Variants in ADCY10 observed in about 807,000 individuals in gnomAD.
ADCY10 encodes adenylate cyclase 10.
Under a neutral mutation model 183.3 loss-of-function variants are expected in ADCY10, and 156 were observed. The observed-to-expected ratio is 0.85, with a 90% CI of 0.75 to 0.97. The LOEUF (loss-of-function observed/expected upper bound fraction) is 0.97. ADCY10 is among the 50% of genes least tolerant of loss of function. The pLI is 0.00. For synonymous variants in ADCY10, 645 were observed against 670.0 expected, an observed-to-expected ratio of 0.96 and a Z score of 0.58; for missense variants, 1,745 against 1,934.3, an observed-to-expected ratio of 0.90 and a Z score of 1.84.
intron 30 of ADCY10, 68 bp from the exon 31 acceptor site, chr1:167,818,335 G>A (rs1558144329): frequency 7.1e-7 from 1 of 1,411,732 alleles, no homozygotes; most frequent in Non-Finnish European, 1.0e-6. Context: ...TTTCTGAAAT[G>A]TCTCTCTGGA....
intron 14 of ADCY10, among the ~76,000 whole-genome samples, chr1:167,862,613 T>C (rs967071761): frequency 6.6e-6 from 1 of 152,224 alleles, no homozygotes. Context: ...AGGCCCCGGC[T>C]AGTGAATACA....
intron 3 of ADCY10, among the ~76,000 whole-genome samples, chr1:167,902,417 A>G (rs74120531): frequency 0.03 from 4,546 of 152,334 alleles, 233 homozygotes; most frequent in African/African-American, 0.1. Context: ...TTGTGTAAGC[A>G]TGGGTGGGTG....
intron 30 of ADCY10, chr1:167,821,009 T>A (rs1442114543): frequency 6.6e-6 from 1 of 152,224 alleles, no homozygotes; most frequent in Non-Finnish European, 1.5e-5. Flanking sequence ...TATAGGAATG[T>A]CTTCATATTG....
intron 3 of ADCY10, among the ~76,000 whole-genome samples, chr1:167,903,393 A>G (rs1175594322): frequency 6.6e-6 from 1 of 152,034 alleles, no homozygotes; most frequent in Non-Finnish European, 1.5e-5. Context: ...GTGAGACCCC[A>G]TCTCTACTAA....
At position 167,901,734 on chromosome 1, in the gene ADCY10, A is replaced by T; in HGVS notation, c.364T>A (p.Cys122Ser). The change falls in exon 5 of 33, where the codon TGT becomes AGT. Residue 122 changes from cysteine to serine, a missense_variant. Coordinates refer to ENST00000367851, the MANE Select transcript of ADCY10 (RefSeq NM_018417.6). ...AACAATCCATGGATCTCCAGGCTAC[A>T]TTTAATTACCACTGTGATAATGTTT... ...LKNIITVVIK[C>S]SLEIHGLFET... 6.2e-7 allele frequency: 1 copy of T among 1,614,180 alleles called. No homozygotes were observed. Among genetic ancestry groups the T allele is most frequent in the East Asian group, 2.2e-5 (1 of 44,886 alleles).
chr1:167,870,547 C>T (rs1374946545), intron 13 of ADCY10, 137 bp from the exon 14 acceptor site: 2 of 722,126 alleles, frequency 2.8e-6, no homozygotes, highest in East Asian at 6.2e-5. Flanking sequence ...AATCCCAGCA[C>T]TTTGGGAGGC....
chr1:167,819,130 T>C (rs1009501841), intron 30 of ADCY10, among the ~76,000 whole-genome samples: 1 of 152,142 alleles, frequency 6.6e-6, no homozygotes, highest in Non-Finnish European at 1.5e-5. Flanking sequence ...AAATAAGACA[T>C]TTATTCCAAC....
At chr1:167,820,393 ACC>A (rs1246522508) in intron 30 of ADCY10, 2 of 548,766 alleles carry the variant, frequency 3.6e-6, no homozygotes, top group Non-Finnish European at 6.2e-6. Flanking sequence ...CTGGCTCAGC[ACC>A]CCGAGAGCTG....
In ADCY10 at chr1:167,829,297, A is replaced by G. The variant is rs61738760; in HGVS notation, c.3720T>C (p.Asn1240=). The change falls in exon 26 of 33, where the codon AAT becomes AAC. Residue 1240 remains asparagine (N), a synonymous_variant. Transcript: ENST00000367851. ...YAHLAVMMQM[N]TALETQNCFQ... ...AACAATTTTGAGTTTCCAGTGCAGT[A>G]TTCATTTGCATCATAACTGCCAGGT... is the stretch of plus-strand genomic sequence containing the variant. The G allele has an allele frequency of 1.3e-3, 2,082 of 1,614,116 alleles. 24 individuals carry two copies. The African/African-American group carries it at 0.024, about 18-fold the overall frequency.
intron 16 of ADCY10, among the ~76,000 whole-genome samples, chr1:167,858,924 G>A (rs1156723743): frequency 6.6e-6 from 1 of 152,128 alleles, no homozygotes; most frequent in Non-Finnish European, 1.5e-5. Context: ...CCTGAACTAT[G>A]GCAATAGGAA....
At chr1:167,866,307 A>G (rs929284984) in intron 14 of ADCY10, among the ~76,000 whole-genome samples, 3 of 152,204 alleles carry the variant, frequency 2.0e-5, no homozygotes, top group Non-Finnish European at 2.9e-5. Flanking sequence ...TTTAGACGCA[A>G]TTGGAGTCCC....
intron 8 of ADCY10, among the ~76,000 whole-genome samples, chr1:167,891,769 A>G (rs529360777): frequency 2.4e-4 from 37 of 152,112 alleles, no homozygotes; most frequent in Non-Finnish European, 5.3e-4. Flanking sequence ...AAATCACTGC[A>G]CTTTCTCCCC....
In ADCY10 at chr1:167,904,108, G is replaced by A. The variant is rs1004185812; in HGVS notation, c.149-117C>T. 3.3e-5 allele frequency: 19 copies of A among 568,178 alleles called. No individual in the cohort carries two copies. The African/African-American group carries it at 4.0e-4, about 12-fold the overall frequency. 35.2% of individuals were successfully genotyped at this position (568,178 alleles called of 1,614,324 possible). A position where few individuals can be genotyped will look rare whatever the true frequency, so the allele number is the denominator to read the frequency against. On this transcript the variant is annotated intron_variant, in intron 2 of 32. Coordinates refer to ENST00000367851, the MANE Select transcript of ADCY10 (RefSeq NM_018417.6). Reference sequence around the variant, plus strand: ...TTTTTTTTTTTTTTTTTTTTTTTGAGACAGAGTCTTGCTTTGTAGCCCAGG... The same window carrying A: ...TTTTTTTTTTTTTTTTTTTTTTTGAAACAGAGTCTTGCTTTGTAGCCCAGG...
intron 19 of ADCY10, among the ~76,000 whole-genome samples, chr1:167,846,956 C>T (rs1163246945): frequency 6.6e-6 from 1 of 151,350 alleles, no homozygotes; most frequent in Non-Finnish European, 1.5e-5. Flanking sequence ...GATGGAGTCT[C>T]ACTCTTGTTG....
intron 22 of ADCY10, among the ~76,000 whole-genome samples, chr1:167,836,881 C>T (rs558714803): frequency 6.6e-6 from 1 of 152,152 alleles, no homozygotes; most frequent in South Asian, 2.1e-4. Context: ...AAAAATTAGC[C>T]GGGTGTGGTG....
rs1667352591 is a variant in ADCY10, at chr1:167,875,018, T to C, written c.1462+113A>G. The C allele has an allele frequency of 3.8e-5, 35 of 921,786 alleles. No homozygotes were observed. In the South Asian group the frequency reaches 4.6e-4, roughly 12 times the overall value. The allele number at this position is 921,786 out of a possible 1,614,324, so 57.1% of individuals were successfully genotyped here. The stretch of plus-strand genomic sequence containing the variant: ...TCTATTTCTTAACCTGGATGATGAT[T>C]ATATTTTCATTTTGTGATAATTCAT... On this transcript the variant is annotated intron_variant, in intron 13 of 32. Coordinates refer to ENST00000367851, the MANE Select transcript of ADCY10 (RefSeq NM_018417.6).
chr1:167,868,683 A>G (rs1254547490), intron 14 of ADCY10, among the ~76,000 whole-genome samples: 4 of 152,208 alleles, frequency 2.6e-5, no homozygotes. Context: ...CTGCCCATAC[A>G]AATAGGCGAA....
Position 167,870,281 on chromosome 1 carries a change from T to C in ADCY10, c.1592A>G (p.Tyr531Cys). ...GKSQILMKIE[Y>C]LAQGKNHRII... ...CCTGTGATTCTTACCTTGGGCCAGGTACTCAATTTTCATAAGTATCTGGCT... is the reference window on the plus strand; with the variant it reads ...CCTGTGATTCTTACCTTGGGCCAGGCACTCAATTTTCATAAGTATCTGGCT... Residue 531 changes from tyrosine (Y) to cysteine (C), a missense_variant, in exon 14 of 33, where the codon TAC (tyrosine) becomes TGC (cysteine). Coordinates refer to ENST00000367851, the MANE Select transcript of ADCY10 (RefSeq NM_018417.6). 6.2e-7 allele frequency: 1 copy of C among 1,614,030 alleles called. No individual in the cohort carries two copies. The highest frequency in any genetic ancestry group is 8.5e-7 in the Non-Finnish European group (1 of 1,179,992).
chr1:167,835,420 C>T (rs1350612360), intron 23 of ADCY10, among the ~76,000 whole-genome samples: 2 of 152,212 alleles, frequency 1.3e-5, no homozygotes, highest in East Asian at 3.8e-4. Flanking sequence ...CTGTTTATTT[C>T]ATCATGTGTA....
Sources: gnomAD v4.1 joint callset for allele counts (sites outside exome capture counted in the v4.1 genomes callset) on GRCh38, gnomAD v4.1.1 for gene constraint, MANE v1.5 for transcripts, NCBI Gene and HGNC (gene_info 2026-07-23, HGNC 2026-07-21) for gene names.